SNTG2: variants seen among roughly 807,000 people sequenced by gnomAD.
The protein encoded by SNTG2 is gamma-2-syntrophin.
Under a neutral mutation model 70.9 loss-of-function variants are expected in SNTG2, and 74 were observed. That is an observed-to-expected ratio of 1.04 (90% CI 0.86 to 1.27). The LOEUF is 1.27. SNTG2 is among the 50% of genes most tolerant of loss of function. SNTG2 has a pLI of 0.00. For missense variants in SNTG2, 717 were observed against 690.7 expected (o/e 1.04, Z -0.43); for synonymous variants, 278 against 273.8 (o/e 1.02, Z -0.15).
At chr2:1,232,846 G>A (rs527630926) in intron 9 of SNTG2, among the ~76,000 whole-genome samples, 10 of 152,160 alleles carry the variant, frequency 6.6e-5, no homozygotes, top group East Asian at 1.9e-4. Flanking sequence ...TCGAGTACTC[G>A]TAATTTTCAG....
At chr2:1,076,916 T>G (rs1017011653) in intron 1 of SNTG2, among the ~76,000 whole-genome samples, 1 of 152,194 alleles carries the variant, frequency 6.6e-6, no homozygotes, top group Non-Finnish European at 1.5e-5. Context: ...CTGAGTCTTC[T>G]CCATGCTATG....
intron 1 of SNTG2, among the ~76,000 whole-genome samples, chr2:984,689 A>T (rs548095777): frequency 1.3e-5 from 2 of 152,182 alleles, no homozygotes; most frequent in Non-Finnish European, 2.9e-5. Flanking sequence ...AGCGGCCTCC[A>T]TGAGGGCACT....
intron 16 of SNTG2, among the ~76,000 whole-genome samples, chr2:1,321,150 T>C (rs1359811792): frequency 3.3e-5 from 5 of 152,204 alleles, no homozygotes; most frequent in Admixed American, 1.3e-4. Context: ...TAATGCTCAC[T>C]GGAGTTTCAT....
At chr2:1,306,116 G>C (rs1019213384) in intron 14 of SNTG2, among the ~76,000 whole-genome samples, 1 of 152,186 alleles carries the variant, frequency 6.6e-6, no homozygotes, top group African/African-American at 2.4e-5. Flanking sequence ...ATCACACTCT[G>C]GGTCAGGTTT....
chr2:1,205,958 C>A (rs982782116), intron 8 of SNTG2, among the ~76,000 whole-genome samples: 3 of 152,134 alleles, frequency 2.0e-5, no homozygotes, highest in Admixed American at 2.0e-4. Context: ...CAGAGGAAAA[C>A]ATGTTCTGTT....
intron 14 of SNTG2, 124 bp from the exon 15 acceptor site, chr2:1,308,370 C>G: frequency 1.2e-6 from 1 of 830,692 alleles, no homozygotes; most frequent in Non-Finnish European, 1.9e-6. Context: ...TTTTGTTCCC[C>G]GTAACTTGCA....
intron 2 of SNTG2, among the ~76,000 whole-genome samples, chr2:1,087,449 C>T (rs1013857223): frequency 2.0e-5 from 3 of 152,156 alleles, no homozygotes; most frequent in African/African-American, 7.2e-5. Context: ...CGGGTAAATG[C>T]AGGTTAGGCC....
chr2:1,305,387 A>G (rs764520052), intron 14 of SNTG2, among the ~76,000 whole-genome samples: 4 of 152,236 alleles, frequency 2.6e-5, no homozygotes, highest in Non-Finnish European at 5.9e-5. Context: ...CCAGTACACA[A>G]AAATAAACAT....
chr2:1,207,682 C>T (rs1197864702), intron 8 of SNTG2, among the ~76,000 whole-genome samples: 1 of 152,104 alleles, frequency 6.6e-6, no homozygotes, highest in African/African-American at 2.4e-5. Context: ...ATGGAAACCT[C>T]ATCCACGTGG....
At position 1,222,117 on chromosome 2, in the gene SNTG2, C is replaced by CTCTCTCTGTCTCTCTCTG. The variant is rs1675212344; in HGVS notation, c.719+12895_719+12912dup. 4.3e-4 allele frequency among the ~76,000 whole-genome samples: 16 copies of CTCTCTCTGTCTCTCTCTG among 37,506 alleles called. 4 individuals are homozygous for CTCTCTCTGTCTCTCTCTG. Among genetic ancestry groups the CTCTCTCTGTCTCTCTCTG allele is most frequent in the Non-Finnish European group, 6.8e-4 (9 of 13,254 alleles). The allele number at this position is 37,506 out of a possible 152,430, so 24.6% of individuals were successfully genotyped here. On this transcript the variant is annotated intron_variant, in intron 9 of 16. Coordinates refer to ENST00000308624, the MANE Select transcript of SNTG2 (RefSeq NM_018968.4). The stretch of plus-strand genomic sequence containing the variant: ...TCTGTCTCTCTCTGTCTCTCTCTGT[C>CTCTCTCTGTCTCTCTCTG]TCTCTCTGTCTCTCTCTGTCTCTCT...
chr2:966,670 G>C (rs887789992), intron 1 of SNTG2, among the ~76,000 whole-genome samples: 2 of 152,164 alleles, frequency 1.3e-5, no homozygotes, highest in Non-Finnish European at 2.9e-5. Flanking sequence ...AGTTTGGCCG[G>C]GCGCGGTGGC....
chr2:1,348,852 T>G (rs1660434779), intron 16 of SNTG2, among the ~76,000 whole-genome samples: 1 of 152,240 alleles, frequency 6.6e-6, no homozygotes, highest in African/African-American at 2.4e-5. Flanking sequence ...AAACTAATAC[T>G]TGTGCTTCTA....
At chr2:1,300,347 C>G (rs1680406180) in intron 14 of SNTG2, among the ~76,000 whole-genome samples, 1 of 152,242 alleles carries the variant, frequency 6.6e-6, no homozygotes, top group Non-Finnish European at 1.5e-5. Flanking sequence ...GCGTTTTCTG[C>G]AGGTCTCCTT....
intron 4 of SNTG2, among the ~76,000 whole-genome samples, chr2:1,128,187 T>G (rs1667813041): frequency 6.6e-6 from 1 of 152,136 alleles, no homozygotes; most frequent in Admixed American, 6.5e-5. Context: ...TTTCTGAATC[T>G]ATTTAGATGA....
intron 1 of SNTG2, among the ~76,000 whole-genome samples, chr2:1,030,132 A>G (rs1190571194): frequency 6.6e-6 from 1 of 152,072 alleles, no homozygotes; most frequent in Non-Finnish European, 1.5e-5. Flanking sequence ...ATCGATCATA[A>G]ATAACTTGTA....
chr2:1,297,055 G>A (rs1680248630), intron 14 of SNTG2, among the ~76,000 whole-genome samples: 1 of 152,152 alleles, frequency 6.6e-6, no homozygotes, highest in South Asian at 2.1e-4. Flanking sequence ...TCAGGGGCAT[G>A]TCCTTTATTT....
chr2:1,011,993 CAA>C (rs1659741693), intron 1 of SNTG2, among the ~76,000 whole-genome samples: 1 of 152,158 alleles, frequency 6.6e-6, no homozygotes, highest in African/African-American at 2.4e-5. Context: ...TGGCATATTT[CAA>C]ATATTGACTT....
intron 6 of SNTG2, among the ~76,000 whole-genome samples, chr2:1,153,782 A>G (rs541308617): frequency 5.9e-5 from 9 of 152,374 alleles, no homozygotes; most frequent in Admixed American, 2.6e-4. Context: ...CTGTTTCTCA[A>G]TGCGGGTGAT....
At chr2:1,110,677 A>T (rs1393372142) in intron 4 of SNTG2, among the ~76,000 whole-genome samples, 1 of 152,160 alleles carries the variant, frequency 6.6e-6, no homozygotes, top group Non-Finnish European at 1.5e-5. Flanking sequence ...TCCGCTCCTC[A>T]CACCGCTGGG....
Sources: allele counts gnomAD v4.1 joint callset (sites outside exome capture counted in the v4.1 genomes callset), GRCh38; gene constraint gnomAD v4.1.1; transcripts MANE v1.5; gene names NCBI Gene and HGNC (gene_info 2026-07-23, HGNC 2026-07-21).